The following UBXN11 variants were observed in gnomAD, a reference collection of about 807,000 sequenced individuals.
The protein encoded by UBXN11 is UBX domain protein 11.
In UBXN11, 47 loss-of-function variants were observed where a neutral mutation model predicts 62.8. That is an observed-to-expected ratio of 0.75 (90% CI 0.59 to 0.95). The LOEUF is 0.95. UBXN11 is among the 40% of genes least tolerant of loss of function. The pLI is 0.00. For synonymous variants in UBXN11, 294 were observed against 267.0 expected (o/e 1.10, Z -0.99); for missense variants, 638 against 661.7 (o/e 0.96, Z 0.39).
intron 8 of UBXN11, among the ~76,000 whole-genome samples, chr1:26,288,541 C>G (rs2073183777): frequency 6.6e-6 from 1 of 152,186 alleles, no homozygotes; most frequent in South Asian, 2.1e-4. Flanking sequence ...CCCACCACCC[C>G]ACCAGGGTTC....
At chr1:26,287,030 A>G (rs940846797) in intron 8 of UBXN11, among the ~76,000 whole-genome samples, 1 of 152,062 alleles carries the variant, frequency 6.6e-6, no homozygotes, top group African/African-American at 2.4e-5. Context: ...CATTTTACAC[A>G]TGAGGAAACA....
intron 12 of UBXN11, among the ~76,000 whole-genome samples, chr1:26,283,930 G>C (rs1029987069): frequency 6.6e-6 from 1 of 152,176 alleles, no homozygotes; most frequent in Non-Finnish European, 1.5e-5. Context: ...TCTGACTTTA[G>C]CCCTCTTACA....
chr1:26,293,301 T>G (rs2073314520), intron 8 of UBXN11, among the ~76,000 whole-genome samples: 1 of 152,090 alleles, frequency 6.6e-6, no homozygotes, highest in Non-Finnish European at 1.5e-5. Context: ...AGAAGCATCT[T>G]TTGGGTGACA....
At chr1:26,286,843 C>T (rs1454681140) in intron 8 of UBXN11, among the ~76,000 whole-genome samples, 2 of 152,054 alleles carry the variant, frequency 1.3e-5, no homozygotes, top group African/African-American at 4.8e-5. Flanking sequence ...GGATTACAGG[C>T]ATGAGCCACC....
At chr1:26,304,609 C>T (rs927834207) in intron 1 of UBXN11, among the ~76,000 whole-genome samples, 15 of 152,160 alleles carry the variant, frequency 9.9e-5, no homozygotes, top group African/African-American at 3.6e-4. Flanking sequence ...AAAAATTAGC[C>T]GGGCTTGGTG....
At chr1:26,295,173 C>T (rs1011679683) in intron 7 of UBXN11, among the ~76,000 whole-genome samples, 1 of 152,040 alleles carries the variant, frequency 6.6e-6, no homozygotes, top group Non-Finnish European at 1.5e-5. Context: ...GCCAGGTTTT[C>T]CTGTCTCCAG....
chr1:26,316,342 G>A (rs2073794689), intron 1 of UBXN11, among the ~76,000 whole-genome samples: 1 of 151,906 alleles, frequency 6.6e-6, no homozygotes, highest in Admixed American at 6.6e-5. Context: ...AACAATAGAA[G>A]AGAAGTGAGG....
rs150268683 is a variant in UBXN11 at position 26,283,773 on chromosome 1, A to C, written c.1077+369T>G. Reference sequence around the variant, plus strand: ...TTCACAGGTGGACACCTAGGAGGAGAAGCAGAATAGGGAGCGAGGAGACAG... The same window carrying C: ...TTCACAGGTGGACACCTAGGAGGAGCAGCAGAATAGGGAGCGAGGAGACAG... On this transcript the variant is annotated intron_variant, in intron 12 of 14. Coordinates refer to ENST00000374222, the MANE Select transcript of UBXN11 (RefSeq NM_001389556.1). Among the ~76,000 whole-genome samples, 340 of 152,202 alleles carry C rather than the reference A, an allele frequency of 2.2e-3. 2 individuals are homozygous for C. The highest frequency in any genetic ancestry group is 7.1e-3 in the African/African-American group (294 of 41,512).
intron 2 of UBXN11, among the ~76,000 whole-genome samples, chr1:26,302,362 TAAAAAAAAAAAAA>T (rs56003085): frequency 7.6e-4 from 53 of 69,562 alleles, no homozygotes; most frequent in African/African-American, 2.4e-3. Flanking sequence ...ACTTGGTCTT[TAAAAAAAAAAAAA>T]AAAAAAAAAA....
intron 7 of UBXN11, 144 bp from the exon 8 acceptor site, chr1:26,294,475 T>C: frequency 7.6e-7 from 1 of 1,310,000 alleles, no homozygotes; most frequent in Non-Finnish European, 1.0e-6. Flanking sequence ...TAGGGGGATC[T>C]TGCCATTTCC....
intron 7 of UBXN11, 28 bp from the exon 8 acceptor site, chr1:26,294,359 G>A (rs1181833839): frequency 3.1e-6 from 5 of 1,610,022 alleles, no homozygotes; most frequent in East Asian, 2.2e-5. Flanking sequence ...GAGATGCGGG[G>A]CACCGTCAGC....
intron 4 of UBXN11, among the ~76,000 whole-genome samples, chr1:26,299,856 A>G (rs1266833743): frequency 6.6e-6 from 1 of 151,584 alleles, no homozygotes. Context: ...CTGGCTGGGT[A>G]TGGTGGCTCA....
intron 1 of UBXN11, among the ~76,000 whole-genome samples, chr1:26,316,377 A>G (rs2073795026): frequency 6.6e-6 from 1 of 151,794 alleles, no homozygotes; most frequent in Admixed American, 6.6e-5. Context: ...ACTACCTAGC[A>G]TGTAAATGAG....
intron 1 of UBXN11, 27 bp downstream of exon 1, chr1:26,306,565 G>C (rs1176675098): frequency 1.3e-5 from 2 of 152,212 alleles, no homozygotes; most frequent in African/African-American, 4.8e-5. Context: ...GGACTCCAGG[G>C]GCAGAAAGGT....
In UBXN11 at chr1:26,284,931, A is replaced by G. The variant is rs537119963; in HGVS notation, c.853-449T>C. On this transcript the variant is annotated intron_variant, in intron 10 of 14. Coordinates refer to ENST00000374222, the MANE Select transcript of UBXN11 (RefSeq NM_001389556.1). The stretch of plus-strand genomic sequence containing the variant: ...GCGTCATGACTCATGCTGTTTCCTG[A>G]GCCCTGGTGACACATGCTCCCTCCC... 3,407 of 1,001,114 alleles carry G rather than the reference A, an allele frequency of 3.4e-3. 8 individuals are homozygous for G. The highest frequency in any genetic ancestry group is 4.3e-3 in the Admixed American group (75 of 17,312). 62.0% of individuals were successfully genotyped at this position (1,001,114 alleles called of 1,614,324 possible).
intron 8 of UBXN11, among the ~76,000 whole-genome samples, chr1:26,288,938 T>C (rs928601856): frequency 6.6e-6 from 1 of 152,188 alleles, no homozygotes; most frequent in Admixed American, 6.5e-5. Flanking sequence ...ATATTGGTTC[T>C]TGAGAGGCTG....
chr1:26,295,472 G>C (rs994118611), intron 7 of UBXN11, among the ~76,000 whole-genome samples: 1 of 151,964 alleles, frequency 6.6e-6, no homozygotes, highest in Non-Finnish European at 1.5e-5. Context: ...ATTTTTTCGG[G>C]ACAGGATCCA....
Position 26,282,527 on chromosome 1 carries a change from C to A in UBXN11, c.1335G>T (p.Pro445=), listed in dbSNP as rs765393507. ...ASAFEIFSTF[P]PTLYQDDTLT... ...GTGTATCGTCCTGGTAGAGGGTGGGCGGGAATGTGCTGAAGATCTCAAAGG... is the reference window on the plus strand; with the variant it reads ...GTGTATCGTCCTGGTAGAGGGTGGGAGGGAATGTGCTGAAGATCTCAAAGG... The change falls in exon 15 of 15, where the codon CCG becomes CCT. Residue 445 remains proline, a synonymous_variant. Transcript: ENST00000374222. The A allele has an allele frequency of 3.1e-6, 5 of 1,595,500 alleles. No individual in the cohort carries two copies. Among genetic ancestry groups the A allele is most frequent in the South Asian group, 1.1e-5 (1 of 89,492 alleles).
chr1:26,297,354 A>G (rs2124658375), intron 6 of UBXN11, 73 bp downstream of exon 6: 1 of 1,444,956 alleles, frequency 6.9e-7, no homozygotes, highest in East Asian at 2.5e-5. Flanking sequence ...GCCATTGTGA[A>G]GCTTCCAGGA....
Sources: gnomAD v4.1 joint callset for allele counts (sites outside exome capture counted in the v4.1 genomes callset) on GRCh38, gnomAD v4.1.1 for gene constraint, MANE v1.5 for transcripts, NCBI Gene and HGNC (gene_info 2026-07-23, HGNC 2026-07-21) for gene names.